Variants in XBP1 observed in about 807,000 individuals in gnomAD.
XBP1 encodes X-box-binding protein 1.
Under a neutral mutation model 34.6 loss-of-function variants are expected in XBP1, and 18 were observed. That is an observed-to-expected ratio of 0.52 (90% CI 0.36 to 0.77). XBP1 has a LOEUF of 0.77. XBP1 is among the 30% of genes least tolerant of loss of function. The pLI is 0.00. For missense variants in XBP1, 422 were observed against 464.6 expected (o/e 0.91, Z 0.84); for synonymous variants, 191 against 193.4 (o/e 0.99, Z 0.11).
At chr22:28,795,030 T>C (rs1443935831), downstream of XBP1, 1 of 681,290 alleles carries the variant, frequency 1.5e-6, no homozygotes, top group Non-Finnish European at 2.2e-6. Context: ...CTGGGGGTCA[T>C]CTATGAGATC....
At chr22:28,795,239 C>A (rs773947723) in exon 6 of XBP1, 62 of 1,548,914 alleles carry the variant, frequency 4.0e-5, no homozygotes, top group Non-Finnish European at 5.4e-5. Flanking sequence ...ATGGTTTACA[C>A]CAAGCAGAGA....
chr22:28,795,452 G>A (rs1266891214), exon 6 of XBP1: 8 of 1,608,000 alleles, frequency 5.0e-6, no homozygotes, highest in Non-Finnish European at 4.2e-6. Flanking sequence ...GCTGAGAGGT[G>A]CTTCCTCGAT....
At chr22:28,800,153 G>A (rs2031848387) in intron 1 of XBP1, 145 bp downstream of exon 1, 1 of 968,284 alleles carries the variant, frequency 1.0e-6, no homozygotes, top group African/African-American at 1.7e-5. Flanking sequence ...CCCGCCCCGC[G>A]CCACGCTGGC....
chr22:28,796,840 G>T, intron 3 of XBP1: 2 of 319,734 alleles, frequency 6.3e-6, no homozygotes, highest in Non-Finnish European at 5.6e-6. Context: ...CTTGTTCTTA[G>T]GGAGCCATGT....
At chr22:28,796,018 G>T in intron 5 of XBP1, 29 bp downstream of exon 5, 1 of 1,612,978 alleles carries the variant, frequency 6.2e-7, no homozygotes, top group African/African-American at 1.3e-5. Context: ...TGGTTATATA[G>T]CTCTTTAATA....
intron 1 of XBP1, 46 bp from the exon 2 acceptor site, chr22:28,799,199 T>C (rs2031815253): frequency 1.4e-6 from 2 of 1,457,560 alleles, no homozygotes; most frequent in Non-Finnish European, 1.9e-6. Flanking sequence ...TCAAACCTTA[T>C]TTATGTCTTT....
At chr22:28,798,928 A>G (rs2031806587) in intron 2 of XBP1, 129 bp downstream of exon 2, 1 of 727,468 alleles carries the variant, frequency 1.4e-6, no homozygotes, top group Non-Finnish European at 2.3e-6. Context: ...GCCTAGTTTA[A>G]CTTTTAATCA....
In XBP1 at chr22:28,799,090, C is replaced by G. The variant is rs1405598876; in HGVS notation, c.291G>C (p.Glu97Asp). The stretch of plus-strand genomic sequence containing the variant: ...CTAAATCTACCACTTGCTGTTCCAG[C>G]TCACTCATTCGAGCCTTCTTTCGAT... The change falls in exon 2 of 6, where the codon GAG becomes GAC. Residue 97 changes from glutamate to aspartate, a missense_variant. Physicochemically the swap from Glu to Asp is conservative, Grantham distance 45 (BLOSUM62 2). Around this residue, in one of 3 missense-constraint regions of XBP1, gnomAD observed 292 missense variants for 339.9 expected, o/e 0.86. Transcript: ENST00000344347. 5 of 1,614,066 alleles carry G rather than the reference C, an allele frequency of 3.1e-6. No homozygotes were observed. The African/African-American group carries it at 5.3e-5, about 17-fold the overall frequency.
exon 3 of XBP1, chr22:28,797,199 T>C (rs1436775393): frequency 6.2e-7 from 1 of 1,612,546 alleles, no homozygotes; most frequent in Non-Finnish European, 8.5e-7. Flanking sequence ...AGCAAAAGTT[T>C]TTGGTTCTGG....
intron 2 of XBP1, among the ~76,000 whole-genome samples, chr22:28,797,742 C>T (rs964508020): frequency 6.6e-6 from 1 of 151,768 alleles, no homozygotes; most frequent in Non-Finnish European, 1.5e-5. Flanking sequence ...GAGATTGCAC[C>T]ACTGCACTCC....
chr22:28,799,181 G>A (rs1055948682), intron 1 of XBP1, 28 bp from the exon 2 acceptor site: 24 of 1,553,722 alleles, frequency 1.5e-5, no homozygotes, highest in Non-Finnish European at 1.9e-5. Context: ...ATACCACACT[G>A]AGTCATATCA....
chr22:28,799,149 G>T, exon 2 of XBP1: 5 of 1,613,358 alleles, frequency 3.1e-6, no homozygotes, highest in Non-Finnish European at 4.2e-6. Flanking sequence ...CTGTTTTTCA[G>T]TTTCCTAGGA....
intron 2 of XBP1, among the ~76,000 whole-genome samples, chr22:28,797,925 G>T (rs866508052): frequency 6.6e-5 from 10 of 152,230 alleles, no homozygotes; most frequent in African/African-American, 2.4e-4. Flanking sequence ...CCTGACTCAT[G>T]ATTCTTAGAA....
chr22:28,796,767 C>T (rs1385672273), intron 3 of XBP1: 4 of 204,676 alleles, frequency 2.0e-5, no homozygotes, highest in Non-Finnish European at 2.9e-5. Context: ...TTGAGTGGCT[C>T]TCTTACTTTG....
At chr22:28,800,259 G>C (rs1272524477) in intron 1 of XBP1, 39 bp downstream of exon 1, 5 of 1,544,574 alleles carry the variant, frequency 3.2e-6, no homozygotes, top group Non-Finnish European at 4.4e-6. Context: ...CCCTAGTCCC[G>C]GCTTCAGATC....
chr22:28,794,575 A>C (rs2031707489), downstream of XBP1: 1 of 152,350 alleles, frequency 6.6e-6, no homozygotes, highest in Admixed American at 6.5e-5. Flanking sequence ...TGTACCTTTT[A>C]ATTGCATGGG....
chr22:28,795,193 G>C, exon 6 of XBP1: 4 of 1,518,040 alleles, frequency 2.6e-6, no homozygotes, highest in Non-Finnish European at 2.7e-6. Context: ...TAATCAGCTG[G>C]GGAAAGAGTT....
chr22:28,800,366 C>T (rs895138541), exon 1 of XBP1: 7 of 1,542,314 alleles, frequency 4.5e-6, no homozygotes, highest in Non-Finnish European at 6.1e-6. Context: ...GGGGCAGCCC[C>T]CCGCTCGCTG....
chr22:28,796,092 T>C (rs527771122), exon 5 of XBP1: 2 of 1,614,130 alleles, frequency 1.2e-6, no homozygotes, highest in Non-Finnish European at 1.7e-6. Context: ...TGGGGAGATG[T>C]TCTGGAGGGG....
Sources: allele counts gnomAD v4.1 joint callset (sites outside exome capture counted in the v4.1 genomes callset), GRCh38; gene constraint gnomAD v4.1.1; regional missense constraint gnomAD v4.1.1; transcripts MANE v1.5; gene names NCBI Gene and HGNC (gene_info 2026-07-23, HGNC 2026-07-21).